FMNL2: variants seen among roughly 807,000 people sequenced by gnomAD.
The protein encoded by FMNL2 is formin like 2, also known as formin-like protein 2.
FMNL2 carries 51 observed loss-of-function variants against 130.2 expected under a neutral mutation model. The observed-to-expected ratio is 0.39, with a 90% confidence interval of 0.31 to 0.49. The LOEUF is 0.49. Ranked by LOEUF, FMNL2 falls within the 20% of genes least tolerant of loss-of-function variation. The probability of loss-of-function intolerance (pLI) is 0.85; values close to 1 mark genes in which losing one functional copy is unlikely to be tolerated. For synonymous variants in FMNL2, 465 were observed against 467.1 expected (o/e 1.00, Z 0.06); for missense variants, 977 against 1,316.2 (o/e 0.74, Z 3.99).
intron 20 of FMNL2, among the ~76,000 whole-genome samples, chr2:152,630,189 G>A (rs62179623): frequency 0.19 from 28,883 of 152,122 alleles, 3,576 homozygotes; most frequent in Non-Finnish European, 0.28. Context: ...GTCTAACTGT[G>A]GGAATGATTA....
intron 6 of FMNL2, among the ~76,000 whole-genome samples, chr2:152,567,872 G>A (rs1351531093): frequency 6.6e-6 from 1 of 152,104 alleles, no homozygotes; most frequent in African/African-American, 2.4e-5. Flanking sequence ...AATGCTTTTT[G>A]TCAGCGAGAA....
intron 1 of FMNL2, among the ~76,000 whole-genome samples, chr2:152,359,646 G>C (rs1255053359): frequency 6.6e-6 from 1 of 152,010 alleles, no homozygotes; most frequent in Non-Finnish European, 1.5e-5. Context: ...ATCTGTCTTT[G>C]ATCTTTTGGT....
At chr2:152,422,689 C>T (rs556056072) in intron 1 of FMNL2, among the ~76,000 whole-genome samples, 8 of 152,200 alleles carry the variant, frequency 5.3e-5, no homozygotes, top group South Asian at 4.2e-4. Flanking sequence ...CCATCACGCC[C>T]GGCTAATTTT....
chr2:152,409,177 A>G (rs1049294660), intron 1 of FMNL2, among the ~76,000 whole-genome samples: 32 of 152,180 alleles, frequency 2.1e-4, no homozygotes, highest in African/African-American at 7.5e-4. Flanking sequence ...TGCTCCAAAG[A>G]AATAAAGACA....
intron 15 of FMNL2, 122 bp from the exon 16 acceptor site, chr2:152,625,316 C>G: frequency 8.5e-7 from 1 of 1,170,462 alleles, no homozygotes; most frequent in East Asian, 2.6e-5. Flanking sequence ...AACCTACTTG[C>G]GCGCCTCTTG....
intron 1 of FMNL2, among the ~76,000 whole-genome samples, chr2:152,387,498 A>G (rs2105914879): frequency 6.6e-6 from 1 of 152,366 alleles, no homozygotes; most frequent in African/African-American, 2.4e-5. Context: ...AAATGTATGA[A>G]ATATAAAAGT....
At chr2:152,395,817 A>G (rs1685360118) in intron 1 of FMNL2, among the ~76,000 whole-genome samples, 1 of 151,188 alleles carries the variant, frequency 6.6e-6, no homozygotes, top group Non-Finnish European at 1.5e-5. Flanking sequence ...CTCCTCTTTC[A>G]AATATGCTTC....
chr2:152,607,395 C>A lies in FMNL2; in HGVS notation c.933C>A (p.Asp311Glu), dbSNP rs760606592. The A allele has an allele frequency of 3.1e-6, 5 of 1,612,492 alleles. No individual in the cohort carries two copies. Among genetic ancestry groups the A allele is most frequent in the Non-Finnish European group, 3.4e-6 (4 of 1,179,324 alleles). Residue 311 changes from aspartate to glutamate, a missense_variant, in exon 10 of 26, where the codon GAC (aspartate) becomes GAA (glutamate). Physicochemically the swap from Asp to Glu is conservative, Grantham distance 45. This residue lies in a region of FMNL2 where 689 missense variants were observed against 995.9 expected (regional missense o/e 0.69). Transcript: ENST00000288670. ...EKLMEHFRNE[D>E]NNIDFMVASM... ...TGATGGAACATTTCAGGAATGAAGACAATAACATAGATTTTATGGTGAGTT... is the reference window on the plus strand; with the variant it reads ...TGATGGAACATTTCAGGAATGAAGAAAATAACATAGATTTTATGGTGAGTT...
intron 1 of FMNL2, among the ~76,000 whole-genome samples, chr2:152,488,207 A>T (rs1180323831): frequency 6.6e-6 from 1 of 152,244 alleles, no homozygotes; most frequent in Non-Finnish European, 1.5e-5. Context: ...GGTAAAATAC[A>T]TTTCACACTT....
intron 1 of FMNL2, among the ~76,000 whole-genome samples, chr2:152,466,217 A>G (rs990418108): frequency 2.6e-5 from 4 of 152,188 alleles, no homozygotes; most frequent in African/African-American, 9.7e-5. Context: ...TGGCGCCTCC[A>G]TCCGGACACC....
intron 1 of FMNL2, among the ~76,000 whole-genome samples, chr2:152,371,752 A>T (rs1318762443): frequency 1.3e-5 from 2 of 151,754 alleles, no homozygotes; most frequent in Non-Finnish European, 1.5e-5. Flanking sequence ...TTTTGCCTTC[A>T]TGCATGAATT....
intron 6 of FMNL2, among the ~76,000 whole-genome samples, chr2:152,568,999 A>G (rs568593308): frequency 9.2e-5 from 14 of 152,258 alleles, no homozygotes; most frequent in Non-Finnish European, 1.8e-4. Flanking sequence ...TAGACACACC[A>G]CTTAGTACTT....
Position 152,618,901 on chromosome 2 carries a change from A to T in FMNL2, c.1370A>T (p.Glu457Val). Residue 457 changes from glutamate to valine, a missense_variant, in exon 14 of 26, where the codon GAA becomes GTA. Glu to Val is a moderately radical substitution (Grantham distance 121). Coordinates refer to ENST00000288670, the MANE Select transcript of FMNL2 (RefSeq NM_052905.4). ...CACACATTAAGAAAAATGGTCAAAG[A>T]AAAAGAAGAAGCAATTCAAAGACAG... is the stretch of plus-strand genomic sequence containing the variant. ...QVHTLRKMVK[E>V]KEEAIQRQST... is the part of the protein sequence containing the mutation. 6.2e-7 allele frequency: 1 copy of T among 1,611,404 alleles called. No homozygotes were observed. Among genetic ancestry groups the T allele is most frequent in the Non-Finnish European group, 8.5e-7 (1 of 1,179,272 alleles).
chr2:152,427,489 G>T (rs1687259860), intron 1 of FMNL2, among the ~76,000 whole-genome samples: 1 of 152,196 alleles, frequency 6.6e-6, no homozygotes, highest in Non-Finnish European at 1.5e-5. Context: ...AGGTTGCAGT[G>T]AGTTGAGATC....
intron 11 of FMNL2, 46 bp from the exon 12 acceptor site, chr2:152,614,805 T>TC (rs752363349): frequency 3.9e-6 from 6 of 1,539,790 alleles, no homozygotes; most frequent in Non-Finnish European, 4.4e-6. Context: ...ATGTTCTATT[T>TC]CCATAGATGA....
chr2:152,590,449 C>G lies in FMNL2; in HGVS notation c.876+9400C>G, dbSNP rs181634170. Among the ~76,000 whole-genome samples the G allele has an allele frequency of 1.8e-3, 278 of 152,112 alleles. 2 individuals carry two copies. Among genetic ancestry groups the G allele is most frequent in the African/African-American group, 6.2e-3 (259 of 41,500 alleles). ...CCTGGCCAAGATGGTGAAACCCTGT[C>G]TCTACTAAAAATACAAAAAATTAGC... On this transcript the variant is annotated intron_variant, in intron 9 of 25. Coordinates refer to ENST00000288670, the MANE Select transcript of FMNL2 (RefSeq NM_052905.4).
chr2:152,397,136 G>A (rs1022718159), intron 1 of FMNL2, among the ~76,000 whole-genome samples: 14 of 152,184 alleles, frequency 9.2e-5, no homozygotes, highest in African/African-American at 3.4e-4. Context: ...CTTTACCTAA[G>A]GATGTTAGGG....
chr2:152,629,694 G>T lies in FMNL2; in HGVS notation c.2439G>T (p.Lys813Asn), dbSNP rs1167571553. 6.2e-7 allele frequency: 1 copy of T among 1,603,480 alleles called. No individual in the cohort carries two copies. Among genetic ancestry groups the T allele is most frequent in the Non-Finnish European group, 8.5e-7 (1 of 1,174,516 alleles). ...TTATAGCAGCATCTGTCTCTATAAA[G>T]TCGTCCCAAAAACTCAAGAAAATTC... ...HAIIAASVSIKSSQKLKKILE... is the reference protein window; with the variant it reads ...HAIIAASVSINSSQKLKKILE... Residue 813 changes from lysine (K) to asparagine (N), a missense_variant, in exon 19 of 26, where the codon AAG becomes AAT. Lys to Asn is a moderately conservative substitution (Grantham distance 94). Around this residue, in one of 4 missense-constraint regions of FMNL2, gnomAD observed 689 missense variants for 995.9 expected, o/e 0.69. Transcript: ENST00000288670.
At chr2:152,618,187 A>G (rs1699052144) in intron 13 of FMNL2, among the ~76,000 whole-genome samples, 1 of 152,162 alleles carries the variant, frequency 6.6e-6, no homozygotes, top group Non-Finnish European at 1.5e-5. Flanking sequence ...TGAAAATTGT[A>G]ACTTCTTTGT....
Sources: gnomAD v4.1 joint callset for allele counts (sites outside exome capture counted in the v4.1 genomes callset) on GRCh38, gnomAD v4.1.1 for gene constraint, gnomAD v4.1.1 regional missense constraint, MANE v1.5 for transcripts, NCBI Gene and HGNC (gene_info 2026-07-23, HGNC 2026-07-21) for gene names.